The following GFPT2 variants were observed in gnomAD, a reference collection of about 807,000 sequenced individuals.
The protein encoded by GFPT2 is glutamine--fructose-6-phosphate transaminase 2, also known as glutamine--fructose-6-phosphate aminotransferase [isomerizing] 2.
In GFPT2, 62 loss-of-function variants were observed where a neutral mutation model predicts 85.6. That is an observed-to-expected ratio of 0.72 (90% confidence interval 0.59 to 0.90). The LOEUF (loss-of-function observed/expected upper bound fraction) is 0.90, where lower values mean the gene tolerates loss of function less well. Ranked by LOEUF, GFPT2 falls within the 40% of genes least tolerant of loss-of-function variation. The probability of loss-of-function intolerance (pLI) is 0.00; values close to 1 mark genes in which losing one functional copy is unlikely to be tolerated. For synonymous variants in GFPT2, 368 were observed against 344.5 expected (o/e 1.07, Z -0.75); for missense variants, 788 against 893.4 (o/e 0.88, Z 1.50).
At chr5:180,310,287 G>A (rs1763854507) in intron 15 of GFPT2, among the ~76,000 whole-genome samples, 1 of 151,784 alleles carries the variant, frequency 6.6e-6, no homozygotes, top group Non-Finnish European at 1.5e-5. Flanking sequence ...ATTTTTAGTA[G>A]AGATGGGGTT....
chr5:180,321,927 GCC>G (rs1194051706), intron 9 of GFPT2, among the ~76,000 whole-genome samples: 3 of 151,942 alleles, frequency 2.0e-5, no homozygotes, highest in African/African-American at 4.8e-5. Flanking sequence ...GGGACTACAG[GCC>G]TCCGCCACCA....
At chr5:180,337,597 C>G (rs547279339) in intron 2 of GFPT2, among the ~76,000 whole-genome samples, 89 of 152,016 alleles carry the variant, frequency 5.9e-4, no homozygotes, top group Non-Finnish European at 9.0e-4. Context: ...ACAGACCACC[C>G]CCACAGACAA....
chr5:180,301,047 G>A lies in GFPT2; in HGVS notation c.*517C>T. 6.4e-6 allele frequency: 1 copy of A among 156,202 alleles called. No homozygotes were observed. Among genetic ancestry groups the A allele is most frequent in the Non-Finnish European group, 1.4e-5 (1 of 70,340 alleles). The allele number at this position is 156,202 out of a possible 1,614,324, so 9.7% of individuals were successfully genotyped here. On this transcript the variant is annotated 3_prime_UTR_variant, in exon 19 of 19. Coordinates refer to ENST00000253778, the MANE Select transcript of GFPT2 (RefSeq NM_005110.4). ...GGAGCAGCCTAGAGAGGAAAGAAAAGGAGAAAGGAGTCCAGAGGGCCAATG... is the reference window on the plus strand; with the variant it reads ...GGAGCAGCCTAGAGAGGAAAGAAAAAGAGAAAGGAGTCCAGAGGGCCAATG...
At chr5:180,316,487 A>C in intron 12 of GFPT2, 26 bp from the exon 13 acceptor site, 7 of 1,613,862 alleles carry the variant, frequency 4.3e-6, no homozygotes, top group Non-Finnish European at 5.1e-6. Context: ...AAGCATGGAG[A>C]CTAAAGTCAG....
chr5:180,324,064 T>C, intron 9 of GFPT2, 124 bp downstream of exon 9: 1 of 695,094 alleles, frequency 1.4e-6, no homozygotes, highest in South Asian at 1.7e-5. Flanking sequence ...GAACTCTTCT[T>C]TGGCCCTGCG....
intron 9 of GFPT2, 88 bp downstream of exon 9, chr5:180,324,100 T>C (rs1441150661): frequency 2.5e-6 from 2 of 788,544 alleles, no homozygotes; most frequent in Non-Finnish European, 4.3e-6. Flanking sequence ...ATAGCTCACA[T>C]GGAAGGATGA....
In GFPT2 at chr5:180,310,487, T is replaced by C. The variant is rs375125326; in HGVS notation, c.1546+1943A>G. On this transcript the variant is annotated intron_variant, in intron 15 of 18. Transcript: ENST00000253778. The stretch of plus-strand genomic sequence containing the variant: ...GTGCAGTGGCAGAATCTTGGCTCAC[T>C]GCAACCTCTGCCTCCTGGGTTCAAG... 1.6e-4 allele frequency among the ~76,000 whole-genome samples: 24 copies of C among 151,520 alleles called. No individual in the cohort carries two copies. In the South Asian group the frequency reaches 4.6e-3, roughly 29 times the overall value.
intron 9 of GFPT2, among the ~76,000 whole-genome samples, chr5:180,322,060 G>T (rs544906795): frequency 6.6e-6 from 1 of 151,854 alleles, no homozygotes; most frequent in African/African-American, 2.4e-5. Context: ...GTGCTGGGAT[G>T]ACAGGCGTGA....
chr5:180,315,381 TG>T (rs1763987203), intron 13 of GFPT2, among the ~76,000 whole-genome samples: 11 of 152,160 alleles, frequency 7.2e-5, no homozygotes, highest in Admixed American at 3.9e-4. Context: ...GGTTTCACTG[TG>T]TGAGCCAGGA....
At chr5:180,342,577 A>G (rs1164440564) in intron 1 of GFPT2, among the ~76,000 whole-genome samples, 5 of 151,426 alleles carry the variant, frequency 3.3e-5, no homozygotes, top group Middle Eastern at 3.4e-3. Flanking sequence ...TGCCCAGCCT[A>G]GGTGAAACTT....
intron 13 of GFPT2, among the ~76,000 whole-genome samples, chr5:180,315,070 G>T (rs2127649365): frequency 6.6e-6 from 1 of 152,272 alleles, no homozygotes; most frequent in South Asian, 2.1e-4. Flanking sequence ...AATGGAAATG[G>T]TATTTAAAAT....
chr5:180,352,927 T>G, intron 1 of GFPT2: 1 of 432,336 alleles, frequency 2.3e-6, no homozygotes, highest in South Asian at 4.2e-5. Context: ...CCGGACCAGG[T>G]CCCTCCCCTC....
intron 10 of GFPT2, 117 bp from the exon 11 acceptor site, chr5:180,317,175 G>T (rs1287694029): frequency 5.4e-6 from 4 of 742,512 alleles, no homozygotes; most frequent in Non-Finnish European, 9.6e-6. Flanking sequence ...GCATCCCCAG[G>T]GATTACCCTG....
intron 4 of GFPT2, among the ~76,000 whole-genome samples, 157 bp downstream of exon 4, chr5:180,335,671 A>C (rs1338877781): frequency 6.6e-6 from 1 of 152,248 alleles, no homozygotes; most frequent in Non-Finnish European, 1.5e-5. Context: ...GGCCACTGGC[A>C]GAGCTCTGGG....
chr5:180,329,192 G>A (rs1343133199), intron 6 of GFPT2, among the ~76,000 whole-genome samples: 2 of 152,190 alleles, frequency 1.3e-5, no homozygotes, highest in African/African-American at 4.8e-5. Flanking sequence ...GGAAGCCACG[G>A]GCAGCCCCAG....
At position 180,336,590 on chromosome 5, in the gene GFPT2, C is replaced by T. The variant is rs1363989658; in HGVS notation, c.116-13G>A. 8.4e-6 allele frequency: 13 copies of T among 1,549,708 alleles called. No individual in the cohort carries two copies. Among genetic ancestry groups the T allele is most frequent in the Non-Finnish European group, 1.1e-5 (12 of 1,121,180 alleles). ...TCGATCGCCACACCTGTGATGTAGA[C>T]AGCATTTGTTATATTGCAACCAAAG... is the stretch of plus-strand genomic sequence containing the variant. On this transcript the variant is annotated splice_polypyrimidine_tract_variant and intron_variant, in intron 2 of 18. Transcript: ENST00000253778.
chr5:180,306,364 G>C (rs1256183181), intron 16 of GFPT2, among the ~76,000 whole-genome samples: 1 of 152,182 alleles, frequency 6.6e-6, no homozygotes, highest in Non-Finnish European at 1.5e-5. Context: ...TAATGCCCTC[G>C]TCTTGGTGGC....
intron 1 of GFPT2, chr5:180,352,359 A>T (rs1222933387): frequency 2.4e-6 from 1 of 420,136 alleles, no homozygotes; most frequent in East Asian, 7.3e-5. Flanking sequence ...AAAAAAAAAA[A>T]GAGCACAGTG....
intron 1 of GFPT2, among the ~76,000 whole-genome samples, chr5:180,349,121 T>C (rs138536254): frequency 2.0e-5 from 3 of 151,876 alleles, no homozygotes; most frequent in African/African-American, 7.2e-5. Context: ...AAGTGATATA[T>C]ATTTAATTAA....
Sources: allele counts gnomAD v4.1 joint callset (sites outside exome capture counted in the v4.1 genomes callset), GRCh38; gene constraint gnomAD v4.1.1; transcripts MANE v1.5; gene names NCBI Gene and HGNC (gene_info 2026-07-23, HGNC 2026-07-21).